RBFOX1: variants seen among roughly 807,000 people sequenced by gnomAD.
RBFOX1 encodes RNA binding fox-1 homolog 1, also known as RNA binding protein fox-1 homolog 1.
Under a neutral mutation model 57.7 loss-of-function variants are expected in RBFOX1, and 8 were observed. The observed-to-expected ratio is 0.14, with a 90% CI of 0.08 to 0.25. The LOEUF is 0.25. Ranked by LOEUF, RBFOX1 falls within the 10% of genes least tolerant of loss-of-function variation. RBFOX1 has a pLI of 1.00. For missense variants in RBFOX1, 611 were observed against 548.5 expected, an observed-to-expected ratio of 1.11 and a Z score of -1.14; for synonymous variants, 326 against 222.4, an observed-to-expected ratio of 1.47 and a Z score of -4.15.
chr16:7,710,505 G>C, intron 15 of RBFOX1, 118 bp from the exon 16 acceptor site: 2 of 1,569,520 alleles, frequency 1.3e-6, no homozygotes, highest in African/African-American at 2.8e-5. Context: ...GGATGGGTAG[G>C]GGGTGCCTCC....
At chr16:6,015,910 G>C (rs1295273093), upstream of RBFOX1, among the ~76,000 whole-genome samples, 1 of 152,194 alleles carries the variant, frequency 6.6e-6, no homozygotes, top group African/African-American at 2.4e-5. Flanking sequence ...ATTGAGTCTA[G>C]TTTATATACT....
At chr16:7,334,878 T>C (rs1027165762) in intron 4 of RBFOX1, among the ~76,000 whole-genome samples, 1 of 152,194 alleles carries the variant, frequency 6.6e-6, no homozygotes, top group Non-Finnish European at 1.5e-5. Flanking sequence ...GATCATACTG[T>C]GTTTTTCCAA....
intron 4 of RBFOX1, among the ~76,000 whole-genome samples, chr16:7,135,706 A>T (rs2071735155): frequency 6.6e-6 from 1 of 152,260 alleles, no homozygotes; most frequent in African/African-American, 2.4e-5. Flanking sequence ...GGCCTAAGTG[A>T]ATTGAAATTT....
intron 3 of RBFOX1, among the ~76,000 whole-genome samples, chr16:6,882,296 T>C (rs544041102): frequency 1.3e-5 from 2 of 152,282 alleles, no homozygotes; most frequent in East Asian, 3.9e-4. Context: ...GAACAACCTG[T>C]GCACTGGGTC....
chr16:7,061,993 G>T (rs188718218), intron 4 of RBFOX1, among the ~76,000 whole-genome samples: 1 of 152,198 alleles, frequency 6.6e-6, no homozygotes, highest in East Asian at 1.9e-4. Flanking sequence ...CTTTCCTGAT[G>T]ATGCAGACAA....
chr16:6,748,837 A>T (rs1383498609), intron 3 of RBFOX1: 1 of 152,302 alleles, frequency 6.6e-6, no homozygotes, highest in East Asian at 1.9e-4. Context: ...TACCTTCTAG[A>T]TGCTAGAATT....
chr16:6,837,899 A>G (rs914906738), intron 3 of RBFOX1, among the ~76,000 whole-genome samples: 1 of 152,126 alleles, frequency 6.6e-6, no homozygotes. Context: ...AACAGCAACA[A>G]TGACAGTTTA....
intron 3 of RBFOX1, among the ~76,000 whole-genome samples, chr16:7,026,828 T>C (rs2153684309): frequency 6.6e-6 from 1 of 152,358 alleles, no homozygotes; most frequent in South Asian, 2.1e-4. Flanking sequence ...TGGCACCTGC[T>C]GATCTGGACA....
At chr16:7,578,971 G>C (rs2093545708) in intron 5 of RBFOX1, among the ~76,000 whole-genome samples, 1 of 152,204 alleles carries the variant, frequency 6.6e-6, no homozygotes, top group African/African-American at 2.4e-5. Context: ...TTATGCTGAT[G>C]ATGTTACATG....
intron 1 of RBFOX1, among the ~76,000 whole-genome samples, chr16:6,315,934 T>C (rs769459642): frequency 1.4e-4 from 21 of 152,242 alleles, no homozygotes; most frequent in Non-Finnish European, 2.6e-4. Context: ...TATATCTGTA[T>C]ATCTATATAT....
At chr16:7,183,830 G>T (rs2083204623) in intron 4 of RBFOX1, among the ~76,000 whole-genome samples, 1 of 152,204 alleles carries the variant, frequency 6.6e-6, no homozygotes, top group Non-Finnish European at 1.5e-5. Flanking sequence ...ATTGTCAGGT[G>T]TGGTTTTAGG....
intron 4 of RBFOX1, among the ~76,000 whole-genome samples, chr16:7,071,406 C>T (rs1269848221): frequency 6.6e-6 from 1 of 152,080 alleles, no homozygotes; most frequent in Non-Finnish European, 1.5e-5. Context: ...TATTACCCCT[C>T]CTAGCCTCCT....
intron 2 of RBFOX1, among the ~76,000 whole-genome samples, chr16:6,503,861 C>T (rs937205234): frequency 1.3e-5 from 2 of 152,114 alleles, no homozygotes; most frequent in Non-Finnish European, 2.9e-5. Context: ...TGCATCTACC[C>T]AGGCCTCTTT....
At chr16:7,628,792 T>C (rs1466262591) in intron 10 of RBFOX1, among the ~76,000 whole-genome samples, 2 of 152,118 alleles carry the variant, frequency 1.3e-5, no homozygotes, top group African/African-American at 4.8e-5. Context: ...TTTGTGTTTT[T>C]AGTAGAGACA....
chr16:6,855,364 G>T (rs1347947550), intron 3 of RBFOX1, among the ~76,000 whole-genome samples: 7 of 151,682 alleles, frequency 4.6e-5, no homozygotes, highest in African/African-American at 1.7e-4. Context: ...AATAAGAAGA[G>T]ATCTTGGCCG....
chr16:6,697,363 C>T (rs2061209665), intron 3 of RBFOX1, among the ~76,000 whole-genome samples: 5 of 152,046 alleles, frequency 3.3e-5, no homozygotes, highest in Admixed American at 3.3e-4. Flanking sequence ...AGCCAGGGAT[C>T]CTTTGGGTGC....
chr16:6,355,104 A>T (rs1400605240), intron 2 of RBFOX1, among the ~76,000 whole-genome samples: 1 of 152,120 alleles, frequency 6.6e-6, no homozygotes. Context: ...CCTTCAAGGT[A>T]TTGCTGATTA....
At chr16:7,563,176 T>C (rs966669750) in intron 5 of RBFOX1, among the ~76,000 whole-genome samples, 2 of 152,196 alleles carry the variant, frequency 1.3e-5, no homozygotes, top group African/African-American at 2.4e-5. Context: ...TGCTAATCAC[T>C]CAACCAGGAT....
chr16:5,918,160 C>T (rs1038844469), intron 4 of RBFOX1, among the ~76,000 whole-genome samples: 1 of 152,096 alleles, frequency 6.6e-6, no homozygotes, highest in African/African-American at 2.4e-5. Context: ...TGTTTTATTG[C>T]CCAGGTTGGA....
Sources: gnomAD v4.1 joint callset for allele counts (sites outside exome capture counted in the v4.1 genomes callset) on GRCh38, gnomAD v4.1.1 for gene constraint, MANE v1.5 for transcripts, NCBI Gene and HGNC (gene_info 2026-07-23, HGNC 2026-07-21) for gene names.